MTMR2: variants seen among roughly 807,000 people sequenced by gnomAD.
MTMR2 encodes the protein phosphatidylinositol-3,5-bisphosphate 3-phosphatase MTMR2.
Under a neutral mutation model 86.9 loss-of-function variants are expected in MTMR2, and 55 were observed. The observed-to-expected ratio is 0.63, with a 90% CI of 0.51 to 0.79. MTMR2 has a LOEUF of 0.79. Ranked by LOEUF, MTMR2 falls within the 30% of genes least tolerant of loss-of-function variation. MTMR2 has a pLI of 0.00. For synonymous variants in MTMR2, 241 were observed against 266.8 expected (o/e 0.90, Z 0.94); for missense variants, 659 against 772.3 (o/e 0.85, Z 1.74).
rs1590965290 is a variant in MTMR2 at position 95,833,240 on chromosome 11, T to C, written c.*2050A>G. 1 of 152,118 alleles carries C rather than the reference T, an allele frequency of 6.6e-6. No individual in the cohort carries two copies. Among genetic ancestry groups the C allele is most frequent in the Non-Finnish European group, 1.5e-5 (1 of 67,996 alleles). 9.4% of individuals were successfully genotyped at this position (152,118 alleles called of 1,614,324 possible). ...GCATTGGTACGTAAAAGTTGAGGTA[T>C]GCAGAGACTAGGTCGAAGGAGGCTA... On this transcript the variant is annotated 3_prime_UTR_variant, in exon 15 of 15. Transcript: ENST00000346299.
intron 1 of MTMR2, among the ~76,000 whole-genome samples, chr11:95,914,772 T>C (rs1394123352): frequency 1.3e-5 from 2 of 152,118 alleles, no homozygotes; most frequent in African/African-American, 4.8e-5. Context: ...GGTCTGCACC[T>C]GGGGCACTAG....
intron 1 of MTMR2, among the ~76,000 whole-genome samples, chr11:95,904,366 A>G (rs1866179193): frequency 6.6e-6 from 1 of 152,146 alleles, no homozygotes; most frequent in African/African-American, 2.4e-5. Flanking sequence ...ACTGAAAGAG[A>G]TGTCTATATG....
At chr11:95,875,936 T>TTGC (rs1865093295) in intron 2 of MTMR2, among the ~76,000 whole-genome samples, 1 of 152,206 alleles carries the variant, frequency 6.6e-6, no homozygotes, top group South Asian at 2.1e-4. Context: ...ACAGCAAATG[T>TTGC]TGCTGCCTGA....
intron 7 of MTMR2, among the ~76,000 whole-genome samples, chr11:95,854,584 G>A (rs552299603): frequency 4.7e-5 from 7 of 148,880 alleles, no homozygotes; most frequent in South Asian, 2.1e-4. Flanking sequence ...TCCCACATCC[G>A]CCTCCAGAGT....
chr11:95,899,636 T>A (rs547569421), intron 1 of MTMR2, among the ~76,000 whole-genome samples: 24 of 147,524 alleles, frequency 1.6e-4, no homozygotes, highest in Non-Finnish European at 3.0e-4. Context: ...TAAGAATGGT[T>A]AAAAAAAAAA....
chr11:95,894,385 C>A (rs995280602), intron 1 of MTMR2, among the ~76,000 whole-genome samples: 1 of 152,098 alleles, frequency 6.6e-6, no homozygotes, highest in African/African-American at 2.4e-5. Context: ...AAATAAAACA[C>A]GTAAAACACT....
chr11:95,869,926 G>A (rs190658931), intron 2 of MTMR2, among the ~76,000 whole-genome samples: 13 of 152,296 alleles, frequency 8.5e-5, no homozygotes, highest in Admixed American at 5.9e-4. Flanking sequence ...GGGGCATGAT[G>A]AAAGTATCTG....
Position 95,923,865 on chromosome 11 carries a change from T to A in MTMR2, c.80+10A>T. 1 of 1,536,400 alleles carries A rather than the reference T, an allele frequency of 6.5e-7. No homozygotes were observed. Among genetic ancestry groups the A allele is most frequent in the Non-Finnish European group, 8.8e-7 (1 of 1,136,336 alleles). The stretch of plus-strand genomic sequence containing the variant: ...CGGACGCTGGGCGGGGCCCTGGGCG[T>A]CCTGGTTACCTGGACAAGGAGTCCA... On this transcript the variant is annotated intron_variant, in intron 1 of 14. Transcript: ENST00000346299.
chr11:95,877,036 T>C (rs960040085), intron 2 of MTMR2, among the ~76,000 whole-genome samples: 1 of 152,250 alleles, frequency 6.6e-6, no homozygotes, highest in East Asian at 1.9e-4. Context: ...AAAATGAGTC[T>C]ATACAGTTAT....
intron 2 of MTMR2, among the ~76,000 whole-genome samples, chr11:95,879,894 C>T (rs939897048): frequency 2.6e-5 from 4 of 151,986 alleles, no homozygotes; most frequent in Non-Finnish European, 4.4e-5. Context: ...CTTAAAAATA[C>T]TGAGCTTTTC....
chr11:95,895,376 C>G (rs1865847925), intron 1 of MTMR2, among the ~76,000 whole-genome samples: 1 of 151,908 alleles, frequency 6.6e-6, no homozygotes, highest in Non-Finnish European at 1.5e-5. Context: ...GGAAATCACA[C>G]ACACACAAAG....
At chr11:95,870,048 T>C (rs1364503599) in intron 2 of MTMR2, among the ~76,000 whole-genome samples, 2 of 152,182 alleles carry the variant, frequency 1.3e-5, no homozygotes, top group Non-Finnish European at 2.9e-5. Flanking sequence ...ATATAAATTT[T>C]ATATCAAAAG....
rs118160816 is a variant in MTMR2, at chr11:95,903,368, T to A, written c.81-15107A>T. ...TAAAACTCCATGCCTGTTATTACAG[T>A]CGTTCCCTTGCCCTTGCTTACTTCA... On this transcript the variant is annotated intron_variant, in intron 1 of 14. Transcript: ENST00000346299. 3.1e-3 allele frequency among the ~76,000 whole-genome samples: 476 copies of A among 152,290 alleles called. 6 individuals are homozygous for A. The East Asian group carries it at 0.035, about 11-fold the overall frequency.
intron 3 of MTMR2, among the ~76,000 whole-genome samples, chr11:95,864,078 G>A (rs1438454795): frequency 6.6e-6 from 1 of 152,104 alleles, no homozygotes; most frequent in Non-Finnish European, 1.5e-5. Flanking sequence ...AGTTAAACGT[G>A]ATGATTTCCA....
intron 11 of MTMR2, among the ~76,000 whole-genome samples, chr11:95,844,646 A>G (rs575327440): frequency 7.2e-5 from 11 of 152,302 alleles, no homozygotes; most frequent in South Asian, 2.1e-4. Flanking sequence ...AGACCCTTCT[A>G]AAAGTTTTTC....
intron 1 of MTMR2, among the ~76,000 whole-genome samples, chr11:95,916,943 T>G (rs529001008): frequency 6.6e-6 from 1 of 152,068 alleles, no homozygotes; most frequent in East Asian, 1.9e-4. Flanking sequence ...TATAGAAACA[T>G]ATTAGGAGGG....
chr11:95,893,597 A>G (rs1865782927), intron 1 of MTMR2, among the ~76,000 whole-genome samples: 1 of 152,158 alleles, frequency 6.6e-6, no homozygotes, highest in Admixed American at 6.6e-5. Context: ...CTTGGCTACT[A>G]GTGAAGGAAA....
rs765807999 is a variant in MTMR2 at position 95,862,097 on chromosome 11, G to C, written c.363C>G (p.Pro121=). 6.2e-7 allele frequency: 1 copy of C among 1,612,522 alleles called. No individual in the cohort carries two copies. Among genetic ancestry groups the C allele is most frequent in the South Asian group, 1.1e-5 (1 of 91,040 alleles). The change falls in exon 5 of 15, where the codon CCC becomes CCG. Residue 121 remains proline, a synonymous_variant. Coordinates refer to ENST00000346299, the MANE Select transcript of MTMR2 (RefSeq NM_016156.6). ...RLYFKSMERD[P]PFVLDASLGV... ...CAAGGGAAGCATCTAAAACAAATGG[G>C]GGATCCTAAAGAAGGAAAGAAAAAA...
chr11:95,847,970 C>A, intron 9 of MTMR2, 71 bp from the exon 10 acceptor site: 1 of 1,404,170 alleles, frequency 7.1e-7, no homozygotes, highest in Non-Finnish European at 1.0e-6. Context: ...ATAAAATATC[C>A]AATAGCATAA....
Sources: gnomAD v4.1 joint callset for allele counts (sites outside exome capture counted in the v4.1 genomes callset) on GRCh38, gnomAD v4.1.1 for gene constraint, MANE v1.5 for transcripts, NCBI Gene and HGNC (gene_info 2026-07-23, HGNC 2026-07-21) for gene names.